DNAH7: variants seen among roughly 807,000 people sequenced by gnomAD.
DNAH7 encodes the protein axonemal beta dynein heavy chain 7.
DNAH7 carries 397 observed loss-of-function variants against 444.6 expected under a neutral mutation model. The ratio of observed to expected loss-of-function variants is 0.89; its 90% confidence interval spans 0.82 to 0.97. DNAH7 has a LOEUF of 0.97. DNAH7 is among the 50% of genes least tolerant of loss of function. DNAH7 has a pLI of 0.00. For synonymous variants in DNAH7, 1,636 were observed against 1,624.4 expected, an observed-to-expected ratio of 1.01 and a Z score of -0.17; for missense variants, 4,902 against 4,800.8, an observed-to-expected ratio of 1.02 and a Z score of -0.62.
At chr2:196,053,734 T>C (rs1401425901) in intron 2 of DNAH7, among the ~76,000 whole-genome samples, 2 of 152,244 alleles carry the variant, frequency 1.3e-5, no homozygotes, top group African/African-American at 4.8e-5. Context: ...ACAACTCTTC[T>C]TGGTGTCCAA....
intron 48 of DNAH7, among the ~76,000 whole-genome samples, chr2:195,832,851 T>C (rs1454525748): frequency 1.3e-5 from 2 of 152,232 alleles, no homozygotes; most frequent in African/African-American, 2.4e-5. Flanking sequence ...TAAAATATGA[T>C]ACACATAAAT....
At chr2:196,047,066 C>A (rs1474637088) in intron 5 of DNAH7, among the ~76,000 whole-genome samples, 1 of 151,658 alleles carries the variant, frequency 6.6e-6, no homozygotes, top group Non-Finnish European at 1.5e-5. Flanking sequence ...GGAAAAAAAA[C>A]CTGCTAGAAT....
chr2:196,037,910 A>G (rs1056806145), intron 5 of DNAH7, among the ~76,000 whole-genome samples: 7 of 152,190 alleles, frequency 4.6e-5, no homozygotes, highest in Non-Finnish European at 4.4e-5. Context: ...AATAGATTCA[A>G]TCCAAAAAGT....
At position 195,923,592 on chromosome 2, in the gene DNAH7, T is replaced by C. The variant is rs746939143; in HGVS notation, c.3825+3A>G. ...TAATATAACATTCAGTGATACCACT[T>C]ACTTGCCAGTAGTACCTAAGCTGAC... On this transcript the variant is annotated splice_donor_region_variant and intron_variant, in intron 23 of 64. Transcript: ENST00000312428. 1.2e-6 allele frequency: 2 copies of C among 1,613,868 alleles called. No individual in the cohort carries two copies. The highest frequency in any genetic ancestry group is 1.7e-6 in the Non-Finnish European group (2 of 1,179,822).
At chr2:195,801,305 T>C (rs528250982) in intron 54 of DNAH7, among the ~76,000 whole-genome samples, 2 of 152,280 alleles carry the variant, frequency 1.3e-5, no homozygotes, top group Non-Finnish European at 2.9e-5. Context: ...TATATATATA[T>C]ATATGCACAA....
intron 5 of DNAH7, among the ~76,000 whole-genome samples, chr2:196,046,233 C>A (rs1028225851): frequency 1.3e-5 from 2 of 152,170 alleles, no homozygotes; most frequent in African/African-American, 4.8e-5. Flanking sequence ...CTTATGGGGG[C>A]AGGGCCTTGG....
At chr2:195,975,116 C>T (rs995765825) in intron 15 of DNAH7, among the ~76,000 whole-genome samples, 2 of 152,098 alleles carry the variant, frequency 1.3e-5, no homozygotes, top group Non-Finnish European at 2.9e-5. Flanking sequence ...CCATCTAAAC[C>T]CAAAAGCACC....
intron 58 of DNAH7, among the ~76,000 whole-genome samples, chr2:195,779,748 G>A (rs1695283650): frequency 6.6e-6 from 1 of 152,048 alleles, no homozygotes; most frequent in South Asian, 2.1e-4. Context: ...TGAGACTACA[G>A]ATATATGCCA....
Position 195,812,449 on chromosome 2 carries a change from A to T in DNAH7, c.9762-2578T>A, listed in dbSNP as rs531228178. Among the ~76,000 whole-genome samples, 4 of 152,030 alleles carry T rather than the reference A, an allele frequency of 2.6e-5. No individual in the cohort carries two copies. The East Asian group carries it at 7.7e-4, about 29-fold the overall frequency. ...GATTGATTCCAGGATATTTAACAAA[A>T]CCATATCCTAGTTAGATTTGGTTTC... On this transcript the variant is annotated intron_variant, in intron 51 of 64. Transcript: ENST00000312428.
At position 195,960,956 on chromosome 2, in the gene DNAH7, A is replaced by C. The variant is rs1691055825; in HGVS notation, c.2206-11T>G. Reference sequence around the variant, plus strand: ...ATTAAACTGCTCAATCTGAAAGGATAAGTATTGAATATATTAGTTATTTTG... The same window carrying C: ...ATTAAACTGCTCAATCTGAAAGGATCAGTATTGAATATATTAGTTATTTTG... On this transcript the variant is annotated splice_polypyrimidine_tract_variant and intron_variant, in intron 17 of 64. Transcript: ENST00000312428. 6.4e-7 allele frequency: 1 copy of C among 1,555,338 alleles called. No homozygotes were observed. The highest frequency in any genetic ancestry group is 1.2e-5 in the South Asian group (1 of 81,232).
chr2:195,778,637 T>A (rs779279506), intron 58 of DNAH7, among the ~76,000 whole-genome samples: 22,409 of 34,600 alleles, frequency 0.65, 6,621 homozygotes, highest in East Asian at 0.81. Flanking sequence ...AAAAAATAAA[T>A]AAATAAATAT....
chr2:195,897,737 A>G lies in DNAH7; in HGVS notation c.4577T>C (p.Ile1526Thr). The G allele has an allele frequency of 1.3e-6, 2 of 1,578,116 alleles. No homozygotes were observed. The highest frequency in any genetic ancestry group is 2.3e-5 in the South Asian group (2 of 85,752). The change falls in exon 29 of 65, where the codon ATT becomes ACT. Residue 1526 changes from isoleucine (I) to threonine (T), a missense_variant. Ile to Thr is a moderately conservative substitution (Grantham distance 89). Transcript: ENST00000312428. Reference protein sequence around the residue: ...KLKYPNENEEILLLRSIIDVN... With the variant: ...KLKYPNENEETLLLRSIIDVN... Reference sequence around the variant, plus strand: ...ATCAATGATAGATCTAAGCAGCAAAATTTCTTCATTTTCATTTGGATATTT... The same window carrying G: ...ATCAATGATAGATCTAAGCAGCAAAGTTTCTTCATTTTCATTTGGATATTT...
intron 47 of DNAH7, among the ~76,000 whole-genome samples, chr2:195,838,561 C>T (rs1698505593): frequency 6.6e-6 from 1 of 151,668 alleles, no homozygotes; most frequent in Non-Finnish European, 1.5e-5. Flanking sequence ...GACTCAGTAG[C>T]AGAACAGAGA....
At chr2:195,889,455 C>T (rs1254259341) in intron 31 of DNAH7, among the ~76,000 whole-genome samples, 3 of 151,852 alleles carry the variant, frequency 2.0e-5, no homozygotes, top group East Asian at 1.9e-4. Context: ...GCTAGGACCA[C>T]GAGTGCGCAC....
chr2:195,888,637 G>A (rs1197415677), intron 32 of DNAH7, among the ~76,000 whole-genome samples, 162 bp downstream of exon 32: 1 of 148,596 alleles, frequency 6.7e-6, no homozygotes, highest in African/African-American at 2.4e-5. Flanking sequence ...CACTAAATTA[G>A]TCAAGATATG....
At chr2:196,007,596 G>A (rs147269973) in intron 10 of DNAH7, among the ~76,000 whole-genome samples, 163 of 152,264 alleles carry the variant, frequency 1.1e-3, no homozygotes, top group African/African-American at 3.9e-3. Context: ...ATCTCCATGT[G>A]TCAAAGCTGA....
intron 55 of DNAH7, among the ~76,000 whole-genome samples, chr2:195,798,898 G>A (rs1321090940): frequency 6.6e-6 from 1 of 152,076 alleles, no homozygotes; most frequent in African/African-American, 2.4e-5. Flanking sequence ...GTTCTGGAAA[G>A]TCAATGAAGG....
chr2:195,758,189 G>A (rs779701559), intron 61 of DNAH7, among the ~76,000 whole-genome samples: 1 of 152,164 alleles, frequency 6.6e-6, no homozygotes, highest in African/African-American at 2.4e-5. Context: ...CTACATTGAA[G>A]ACCACAGTCA....
At position 195,872,358 on chromosome 2, in the gene DNAH7, G is replaced by A. The variant is rs759939763; in HGVS notation, c.6525C>T (p.His2175=). Residue 2175 remains histidine, a synonymous_variant, in exon 40 of 65, where the codon CAC becomes CAT. Transcript: ENST00000312428. ...KNLLPTPAKS[H]YLFNLRDFSR... ...AGAAATCACGGAGGTTGAACAAGTAGTGAGATTTAGCTGGAGTAGGCAAGA... is the reference window on the plus strand; with the variant it reads ...AGAAATCACGGAGGTTGAACAAGTAATGAGATTTAGCTGGAGTAGGCAAGA... 7.4e-6 allele frequency: 12 copies of A among 1,613,790 alleles called. No individual in the cohort carries two copies. Among genetic ancestry groups the A allele is most frequent in the Non-Finnish European group, 9.3e-6 (11 of 1,179,878 alleles).
Sources: gnomAD v4.1 joint callset for allele counts (sites outside exome capture counted in the v4.1 genomes callset) on GRCh38, gnomAD v4.1.1 for gene constraint, MANE v1.5 for transcripts, NCBI Gene and HGNC (gene_info 2026-07-23, HGNC 2026-07-21) for gene names.